The following MTMR7 variants were observed in gnomAD, a reference collection of about 807,000 sequenced individuals.
MTMR7 encodes the protein myotubularin related protein 7, also known as phosphatidylinositol-3-phosphate phosphatase MTMR7.
In MTMR7, 76 loss-of-function variants were observed where a neutral mutation model predicts 81.2. The observed-to-expected ratio is 0.94, with a 90% CI of 0.78 to 1.13. The LOEUF is 1.13. Ranked by LOEUF, MTMR7 falls within the 50% of genes most tolerant of loss-of-function variation. The pLI, the probability that MTMR7 is intolerant of heterozygous loss-of-function variation, is 0.00. For missense variants in MTMR7, 1,044 were observed against 820.0 expected (o/e 1.27, Z -3.34); for synonymous variants, 372 against 289.8 (o/e 1.28, Z -2.88).
intron 1 of MTMR7, among the ~76,000 whole-genome samples, chr8:17,384,963 C>T (rs1397979419): frequency 6.6e-6 from 1 of 152,134 alleles, no homozygotes; most frequent in African/African-American, 2.4e-5. Context: ...GAGACTCTAC[C>T]TTTCACGAAA....
intron 1 of MTMR7, among the ~76,000 whole-genome samples, chr8:17,398,252 A>G (rs575828429): frequency 3.9e-5 from 6 of 152,326 alleles, no homozygotes; most frequent in South Asian, 2.1e-4. Context: ...CCCTTCAGAC[A>G]GACAATTCAA....
intron 1 of MTMR7, among the ~76,000 whole-genome samples, chr8:17,389,650 T>C (rs1430461723): frequency 1.3e-5 from 2 of 152,224 alleles, no homozygotes; most frequent in African/African-American, 2.4e-5. Flanking sequence ...GAATTAAGTA[T>C]GATTAACCCA....
intron 1 of MTMR7, among the ~76,000 whole-genome samples, chr8:17,403,878 C>T (rs527559973): frequency 6.6e-6 from 1 of 152,182 alleles, no homozygotes; most frequent in African/African-American, 2.4e-5. Context: ...ACATTGTTCA[C>T]TGTTGGCATA....
intron 1 of MTMR7, among the ~76,000 whole-genome samples, chr8:17,412,303 C>A (rs1397684677): frequency 6.6e-6 from 1 of 152,154 alleles, no homozygotes; most frequent in Non-Finnish European, 1.5e-5. Flanking sequence ...TCCCTGGAAC[C>A]ACCTGAGCTA....
rs758028025 is a variant in MTMR7, at chr8:17,341,477, G to A, written c.618C>T (p.Ser206=). ...GGGCACTGAAGCCGGACAGGGGCTG[G>A]CTGCTCCGGCAGATGGAGGCCTAGG... ...KDNHASICRS[S]QPLSGFSARC... The change falls in exon 6 of 14, where the codon AGC becomes AGT. Residue 206 remains serine, a synonymous_variant. Transcript: ENST00000180173. 3 of 1,613,944 alleles carry A rather than the reference G, an allele frequency of 1.9e-6. No homozygotes were observed. Among genetic ancestry groups the A allele is most frequent in the Non-Finnish European group, 2.5e-6 (3 of 1,180,032 alleles).
intron 1 of MTMR7, among the ~76,000 whole-genome samples, chr8:17,406,692 C>T (rs1057335079): frequency 6.6e-6 from 1 of 152,136 alleles, no homozygotes; most frequent in Non-Finnish European, 1.5e-5. Flanking sequence ...AAACTTATCA[C>T]CGAAGTTTAT....
Position 17,404,279 on chromosome 8 carries a change from G to C in MTMR7, c.24+8990C>G, listed in dbSNP as rs191988751. Among the ~76,000 whole-genome samples the C allele has an allele frequency of 2.6e-5, 4 of 152,200 alleles. No homozygotes were observed. In the East Asian group the frequency reaches 7.7e-4, roughly 29 times the overall value. On this transcript the variant is annotated intron_variant, in intron 1 of 13. Transcript: ENST00000180173. Reference sequence around the variant, plus strand: ...GGGAGGAGATAAAAAGAGGATTGAAGGATAACTCCAAAGTTATTGGCTCCA... The same window carrying C: ...GGGAGGAGATAAAAAGAGGATTGAACGATAACTCCAAAGTTATTGGCTCCA...
At chr8:17,366,172 C>G (rs750478703) in intron 3 of MTMR7, among the ~76,000 whole-genome samples, 1 of 152,180 alleles carries the variant, frequency 6.6e-6, no homozygotes, top group Non-Finnish European at 1.5e-5. Flanking sequence ...CCGTATACAA[C>G]CTTTGCTCCT....
chr8:17,369,546 A>T (rs1820341803), intron 3 of MTMR7, among the ~76,000 whole-genome samples: 1 of 152,026 alleles, frequency 6.6e-6, no homozygotes, highest in African/African-American at 2.4e-5. Flanking sequence ...TCCTTTATTA[A>T]CTACTTCTGT....
chr8:17,342,268 C>CT (rs1170117995), intron 5 of MTMR7, among the ~76,000 whole-genome samples: 2 of 152,166 alleles, frequency 1.3e-5, no homozygotes, highest in Admixed American at 1.3e-4. Flanking sequence ...TGGCAAAGTA[C>CT]TTTCATGGAT....
rs527795859 is a variant in MTMR7 at position 17,407,407 on chromosome 8, C to A, written c.24+5862G>T. The stretch of plus-strand genomic sequence containing the variant: ...TTAATGAAAGTGTTAAATGACATAA[C>A]GTTTTCGGAAAGTCATTTGGTAATA... On this transcript the variant is annotated intron_variant, in intron 1 of 13. Transcript: ENST00000180173. Among the ~76,000 whole-genome samples the A allele has an allele frequency of 3.3e-5, 5 of 152,136 alleles. No homozygotes were observed. In the East Asian group the frequency reaches 7.7e-4, roughly 24 times the overall value.
At chr8:17,354,851 A>C (rs2150552411) in intron 4 of MTMR7, among the ~76,000 whole-genome samples, 1 of 152,340 alleles carries the variant, frequency 6.6e-6, no homozygotes, top group South Asian at 2.1e-4. Context: ...TAAGTTAGTG[A>C]CAAATCAGGA....
At chr8:17,377,688 A>G (rs756633779) in intron 1 of MTMR7, among the ~76,000 whole-genome samples, 17 of 152,076 alleles carry the variant, frequency 1.1e-4, no homozygotes, top group Non-Finnish European at 1.6e-4. Context: ...TCCTCCAAGT[A>G]TATCTCAGGT....
At chr8:17,387,068 C>T (rs927995599) in intron 1 of MTMR7, among the ~76,000 whole-genome samples, 2 of 152,170 alleles carry the variant, frequency 1.3e-5, no homozygotes, top group Non-Finnish European at 1.5e-5. Flanking sequence ...CCCACCTTAC[C>T]GGCTAAACAG....
chr8:17,391,266 G>A (rs376372366), intron 1 of MTMR7, among the ~76,000 whole-genome samples: 1 of 152,276 alleles, frequency 6.6e-6, no homozygotes, highest in African/African-American at 2.4e-5. Context: ...AGGGTAGGAA[G>A]CAACTGGAAG....
chr8:17,363,635 T>C (rs1259818527), intron 3 of MTMR7, among the ~76,000 whole-genome samples: 1 of 152,144 alleles, frequency 6.6e-6, no homozygotes, highest in Non-Finnish European at 1.5e-5. Context: ...AACCAATCCT[T>C]ATGCCCAATT....
At chr8:17,404,043 C>T (rs570824803) in intron 1 of MTMR7, among the ~76,000 whole-genome samples, 2 of 152,088 alleles carry the variant, frequency 1.3e-5, no homozygotes, top group Non-Finnish European at 2.9e-5. Flanking sequence ...GTTTCCTTTC[C>T]AGTTTAGATG....
chr8:17,382,301 G>C (rs1031515699), intron 1 of MTMR7, among the ~76,000 whole-genome samples: 13 of 152,178 alleles, frequency 8.5e-5, no homozygotes, highest in African/African-American at 3.1e-4. Context: ...CAGCCTGGAG[G>C]AACAAGCTGC....
chr8:17,341,762 T>G (rs1819414811), intron 5 of MTMR7, among the ~76,000 whole-genome samples: 1 of 152,226 alleles, frequency 6.6e-6, no homozygotes, highest in Non-Finnish European at 1.5e-5. Flanking sequence ...GTTATGATAT[T>G]CAAAACCATT....
Sources: allele counts gnomAD v4.1 joint callset (sites outside exome capture counted in the v4.1 genomes callset), GRCh38; gene constraint gnomAD v4.1.1; transcripts MANE v1.5; gene names NCBI Gene and HGNC (gene_info 2026-07-23, HGNC 2026-07-21).